ARHGEF4: variants seen among roughly 807,000 people sequenced by gnomAD.
ARHGEF4 encodes APC-stimulated guanine nucleotide exchange factor 1.
A neutral mutation model predicts 162.0 loss-of-function variants in ARHGEF4; 119 were observed. The observed-to-expected ratio is 0.73, with a 90% CI of 0.63 to 0.86. ARHGEF4 has a LOEUF of 0.86. ARHGEF4 is among the 40% of genes least tolerant of loss of function. ARHGEF4 has a pLI of 0.00. For missense variants in ARHGEF4, 2,488 were observed against 2,456.0 expected (o/e 1.01, Z -0.28); for synonymous variants, 1,014 against 979.9 (o/e 1.03, Z -0.65).
chr2:130,897,839 TG>T (rs1462309930), intron 1 of ARHGEF4, among the ~76,000 whole-genome samples: 1 of 149,392 alleles, frequency 6.7e-6, no homozygotes, highest in African/African-American at 2.5e-5. Context: ...GATTCAGCAC[TG>T]GGGGTGAGGG....
chr2:130,946,078 C>T (rs1468330224), intron 3 of ARHGEF4, among the ~76,000 whole-genome samples: 1 of 152,244 alleles, frequency 6.6e-6, no homozygotes, highest in Non-Finnish European at 1.5e-5. Flanking sequence ...GTGGTCCTTA[C>T]TGTCTGAAGG....
intron 1 of ARHGEF4, among the ~76,000 whole-genome samples, chr2:130,838,594 A>G (rs1191846759): frequency 6.6e-6 from 1 of 152,076 alleles, no homozygotes; most frequent in Non-Finnish European, 1.5e-5. Context: ...TGATAGAGCG[A>G]GACTCCGTCT....
chr2:130,937,177 C>A (rs1683011104), intron 3 of ARHGEF4, among the ~76,000 whole-genome samples: 1 of 151,980 alleles, frequency 6.6e-6, no homozygotes, highest in African/African-American at 2.4e-5. Flanking sequence ...TCCCAAAGTG[C>A]TGGGATTACA....
chr2:130,849,145 G>A (rs1681209435), intron 1 of ARHGEF4, among the ~76,000 whole-genome samples: 1 of 152,182 alleles, frequency 6.6e-6, no homozygotes, highest in South Asian at 2.1e-4. Context: ...CTGGCTCCGT[G>A]ACCCCTCTCA....
chr2:130,962,232 C>A (rs1178722238), intron 4 of ARHGEF4, among the ~76,000 whole-genome samples: 2 of 75,592 alleles, frequency 2.6e-5, no homozygotes, highest in African/African-American at 7.6e-5. Flanking sequence ...AGCAAGTTTC[C>A]GTTTCAAAAA....
At chr2:131,009,600 AT>A (rs1229801128) in intron 4 of ARHGEF4, among the ~76,000 whole-genome samples, 4 of 151,994 alleles carry the variant, frequency 2.6e-5, no homozygotes, top group Non-Finnish European at 4.4e-5. Context: ...TCAAGCTGCT[AT>A]TTCTTTCAGT....
intron 4 of ARHGEF4, among the ~76,000 whole-genome samples, chr2:131,002,465 C>G (rs1687834177): frequency 6.6e-6 from 1 of 152,016 alleles, no homozygotes. Context: ...AATTCCAGCA[C>G]TTTGGGAGGC....
rs528050308 is a variant in ARHGEF4, at chr2:131,045,455, A to G, written c.5479+9A>G. The stretch of plus-strand genomic sequence containing the variant: ...CACAGGGAAGCCCAAAGGTAGGCGG[A>G]CAGCAGCCCCACCTCCTCGGCTGCC... On this transcript the variant is annotated intron_variant, in intron 13 of 13. Coordinates refer to ENST00000409359, the MANE Select transcript of ARHGEF4 (RefSeq NM_001367493.1). 1 of 1,613,522 alleles carries G rather than the reference A, an allele frequency of 6.2e-7. No homozygotes were observed. Among genetic ancestry groups the G allele is most frequent in the African/African-American group, 1.3e-5 (1 of 75,054 alleles).
chr2:130,869,046 C>T (rs1482114430), intron 1 of ARHGEF4, among the ~76,000 whole-genome samples: 1 of 152,194 alleles, frequency 6.6e-6, no homozygotes, highest in Non-Finnish European at 1.5e-5. Flanking sequence ...CCCTTTTGCC[C>T]TAAAAGGCAA....
chr2:130,960,230 C>T (rs969218918), intron 4 of ARHGEF4, among the ~76,000 whole-genome samples: 2 of 151,776 alleles, frequency 1.3e-5, no homozygotes, highest in South Asian at 2.1e-4. Context: ...ACTTTATAAA[C>T]ATTACAGAAC....
chr2:131,020,592 T>C (rs995274307), intron 4 of ARHGEF4, among the ~76,000 whole-genome samples: 5 of 152,196 alleles, frequency 3.3e-5, no homozygotes, highest in African/African-American at 1.2e-4. Context: ...AGTCTGTCGT[T>C]GTTGGACATT....
intron 3 of ARHGEF4, among the ~76,000 whole-genome samples, chr2:130,935,210 G>A (rs1574259236): frequency 6.6e-6 from 1 of 150,406 alleles, no homozygotes; most frequent in East Asian, 2.0e-4. Context: ...CTGGTATTTG[G>A]TATTTTTGGT....
intron 1 of ARHGEF4, among the ~76,000 whole-genome samples, chr2:130,894,353 G>A (rs891501417): frequency 7.9e-5 from 12 of 152,172 alleles, no homozygotes; most frequent in African/African-American, 2.2e-4. Context: ...ACAGGGGCCC[G>A]GGAGAACCTT....
At position 130,914,583 on chromosome 2, in the gene ARHGEF4, C is replaced by A; in HGVS notation, c.637C>A (p.Leu213Ile). 1 of 1,393,336 alleles carries A rather than the reference C, an allele frequency of 7.2e-7. No individual in the cohort carries two copies. The highest frequency in any genetic ancestry group is 9.3e-7 in the Non-Finnish European group (1 of 1,080,380). The allele number at this position is 1,393,336 out of a possible 1,614,324, so 86.3% of individuals were successfully genotyped here. A position where few individuals can be genotyped will look rare whatever the true frequency, so the allele number is the denominator to read the frequency against. Residue 213 changes from leucine (L) to isoleucine (I), a missense_variant, in exon 2 of 14, where the codon CTT becomes ATT. Leu to Ile is a conservative substitution (Grantham distance 5). Around this residue, in one of 6 missense-constraint regions of ARHGEF4, gnomAD observed 81 missense variants for 125.8 expected, o/e 0.64. Coordinates refer to ENST00000409359, the MANE Select transcript of ARHGEF4 (RefSeq NM_001367493.1). Reference sequence around the variant, plus strand: ...CCTCAGAGGGCTCTCCAGTGTTTCTCTTCAGAAATCCAGGTCTGAGAGCTA... The same window carrying A: ...CCTCAGAGGGCTCTCCAGTGTTTCTATTCAGAAATCCAGGTCTGAGAGCTA... ...QDLRGLSSVS[L>I]QKSRSESYLG...
At chr2:131,045,859 C>A in intron 13 of ARHGEF4, 179 bp from the exon 14 acceptor site, 1 of 1,475,810 alleles carries the variant, frequency 6.8e-7, no homozygotes, top group South Asian at 1.4e-5. Flanking sequence ...GCCAGAGACC[C>A]CAGGCAGCCT....
At position 130,945,955 on chromosome 2, in the gene ARHGEF4, T is replaced by C. The variant is rs145916202; in HGVS notation, c.3859-554T>C. 1.9e-3 allele frequency among the ~76,000 whole-genome samples: 286 copies of C among 152,280 alleles called. 3 individuals are homozygous for C. Among genetic ancestry groups the C allele is most frequent in the African/African-American group, 6.6e-3 (273 of 41,546 alleles). ...ATACATACCACAATTTTTAAGTTAATACAATAACTTCATAAGGTAGAAAAA... is the reference window on the plus strand; with the variant it reads ...ATACATACCACAATTTTTAAGTTAACACAATAACTTCATAAGGTAGAAAAA... On this transcript the variant is annotated intron_variant, in intron 3 of 13. Transcript: ENST00000409359.
At chr2:130,971,927 A>G (rs1017757146) in intron 4 of ARHGEF4, among the ~76,000 whole-genome samples, 1 of 152,222 alleles carries the variant, frequency 6.6e-6, no homozygotes, top group Admixed American at 6.5e-5. Flanking sequence ...TCTGCCAGAC[A>G]GTGACTTTCC....
intron 4 of ARHGEF4, among the ~76,000 whole-genome samples, chr2:131,010,068 A>C (rs769968361): frequency 7.2e-5 from 11 of 152,210 alleles, no homozygotes; most frequent in Non-Finnish European, 1.3e-4. Context: ...GGCTGCTTGG[A>C]GTATTCCCCA....
At chr2:130,997,988 C>T (rs542124769) in intron 4 of ARHGEF4, among the ~76,000 whole-genome samples, 1 of 152,180 alleles carries the variant, frequency 6.6e-6, no homozygotes, top group Non-Finnish European at 1.5e-5. Flanking sequence ...GGATAGTGTC[C>T]AGCTATACAT....
Sources: gnomAD v4.1 joint callset for allele counts (sites outside exome capture counted in the v4.1 genomes callset) on GRCh38, gnomAD v4.1.1 for gene constraint, gnomAD v4.1.1 regional missense constraint, MANE v1.5 for transcripts, NCBI Gene and HGNC (gene_info 2026-07-23, HGNC 2026-07-21) for gene names.